The following DPYSL2 variants were observed in gnomAD, a reference collection of about 807,000 sequenced individuals.
The protein encoded by DPYSL2 is dihydropyrimidinase like 2.
DPYSL2 carries 13 observed loss-of-function variants against 69.9 expected under a neutral mutation model. The ratio of observed to expected loss-of-function variants is 0.19; its 90% CI spans 0.12 to 0.30. DPYSL2 has a LOEUF of 0.30. DPYSL2 is among the 10% of genes least tolerant of loss of function. The pLI is 1.00. For missense variants in DPYSL2, 587 were observed against 918.9 expected, an observed-to-expected ratio of 0.64 and a Z score of 4.67; for synonymous variants, 326 against 359.1, an observed-to-expected ratio of 0.91 and a Z score of 1.04.
rs1466837614 is a variant in DPYSL2 at position 26,516,199 on chromosome 8, T to A, written c.354+1520T>A. ...TCTCATATCCATATTTCACTATGAG[T>A]CAACCAGAAGAAACTAAATCCAAAA... On this transcript the variant is annotated intron_variant, in intron 1 of 13. Coordinates refer to ENST00000521913, the MANE Select transcript of DPYSL2 (RefSeq NM_001197293.3). The surrounding 1 kb of genome is among the most constrained non-coding windows in gnomAD (Gnocchi z 4.8). Among the ~76,000 whole-genome samples, 1 of 152,144 alleles carries A rather than the reference T, an allele frequency of 6.6e-6. No homozygotes were observed. The highest frequency in any genetic ancestry group is 1.5e-5 in the Non-Finnish European group (1 of 68,038).
At chr8:26,578,561 T>C (rs771658673) in intron 1 of DPYSL2, 9 of 1,368,526 alleles carry the variant, frequency 6.6e-6, no homozygotes, top group Non-Finnish European at 8.5e-6. Context: ...GTCTATCTTT[T>C]ATTGTCAGTG....
At chr8:26,618,890 G>A (rs1362753977) in intron 3 of DPYSL2, among the ~76,000 whole-genome samples, 3 of 151,994 alleles carry the variant, frequency 2.0e-5, no homozygotes, top group Non-Finnish European at 2.9e-5. Context: ...CCCAGGAGGC[G>A]GAGGTTGCAG....
At chr8:26,645,935 G>A (rs1317364681) in intron 10 of DPYSL2, among the ~76,000 whole-genome samples, 1 of 145,766 alleles carries the variant, frequency 6.9e-6, no homozygotes, top group African/African-American at 2.5e-5. Context: ...GCGTGATCTT[G>A]GCTCACTGCA....
intron 3 of DPYSL2, among the ~76,000 whole-genome samples, chr8:26,607,527 C>T (rs1367358211): frequency 6.6e-6 from 1 of 151,026 alleles, no homozygotes; most frequent in Non-Finnish European, 1.5e-5. Context: ...TGATGGCTCA[C>T]ACCTGTTATC....
Position 26,517,588 on chromosome 8 carries a change from C to T in DPYSL2, c.354+2909C>T, listed in dbSNP as rs775974552. Among the ~76,000 whole-genome samples the T allele has an allele frequency of 6.6e-6, 1 of 152,212 alleles. No homozygotes were observed. Among genetic ancestry groups the T allele is most frequent in the Non-Finnish European group, 1.5e-5 (1 of 68,034 alleles). On this transcript the variant is annotated intron_variant, in intron 1 of 13. Coordinates refer to ENST00000521913, the MANE Select transcript of DPYSL2 (RefSeq NM_001197293.3). The surrounding 1 kb of genome is among the most constrained non-coding windows in gnomAD (Gnocchi z 4.2). ...CCCTTGTCAGTGCCCAGGGGTCCTT[C>T]AGCCTCTTCCCTTCCTCCTAGGAAC...
intron 1 of DPYSL2, among the ~76,000 whole-genome samples, chr8:26,557,495 T>C (rs1801006653): frequency 6.6e-6 from 1 of 151,642 alleles, no homozygotes; most frequent in Non-Finnish European, 1.5e-5. Context: ...AAACAACAAT[T>C]AGAACAGGCA....
Position 26,656,715 on chromosome 8 carries a change from C to G in DPYSL2, c.*1009C>G, listed in dbSNP as rs17055646. 0.093 allele frequency: 14,224 copies of G among 152,734 alleles called. 1,531 individuals are homozygous for G. The highest frequency in any genetic ancestry group is 0.26 in the African/African-American group (10,639 of 41,494). 9.5% of individuals were successfully genotyped at this position (152,734 alleles called of 1,614,324 possible). A position where few individuals can be genotyped will look rare whatever the true frequency, so the allele number is the denominator to read the frequency against. ...GTCCATGTAGGACTGGTGCTAACCACCTGCCATCATGAGGATGTGTGCTAG... is the reference window on the plus strand; with the variant it reads ...GTCCATGTAGGACTGGTGCTAACCAGCTGCCATCATGAGGATGTGTGCTAG... On this transcript the variant is annotated 3_prime_UTR_variant, in exon 14 of 14. Coordinates refer to ENST00000521913, the MANE Select transcript of DPYSL2 (RefSeq NM_001197293.3).
chr8:26,612,310 C>T (rs1042655209), intron 3 of DPYSL2, among the ~76,000 whole-genome samples: 1 of 152,190 alleles, frequency 6.6e-6, no homozygotes, highest in African/African-American at 2.4e-5. Flanking sequence ...AACCATAGTT[C>T]ATCCAGTCAT....
At position 26,621,779 on chromosome 8, in the gene DPYSL2, G is replaced by T. The variant is rs1337536600; in HGVS notation, c.629-2364G>T. On this transcript the variant is annotated intron_variant, in intron 3 of 13. Coordinates refer to ENST00000521913, the MANE Select transcript of DPYSL2 (RefSeq NM_001197293.3). The surrounding 1 kb of genome is among the most constrained non-coding windows in gnomAD (Gnocchi z 4.9). ...GTTGGGCAGGTCAAAGTGAAGAATG[G>T]CCGGGGTGGCCATTGTGGGTGAGCA... Among the ~76,000 whole-genome samples, 3 of 152,126 alleles carry T rather than the reference G, an allele frequency of 2.0e-5. No individual in the cohort carries two copies. Among genetic ancestry groups the T allele is most frequent in the Admixed American group, 2.0e-4 (3 of 15,276 alleles).
At chr8:26,569,496 G>A (rs1293172094) in intron 1 of DPYSL2, among the ~76,000 whole-genome samples, 3 of 152,114 alleles carry the variant, frequency 2.0e-5, no homozygotes, top group African/African-American at 4.8e-5. Context: ...CTGAAGAACA[G>A]GTATCTTTAG....
intron 11 of DPYSL2, among the ~76,000 whole-genome samples, chr8:26,649,134 A>G (rs564955796): frequency 6.6e-4 from 101 of 152,336 alleles, no homozygotes; most frequent in African/African-American, 2.3e-3. Context: ...TGGTATTATT[A>G]TCCCAATTTG....
chr8:26,590,908 A>C (rs1243653690), intron 3 of DPYSL2, among the ~76,000 whole-genome samples: 1 of 152,238 alleles, frequency 6.6e-6, no homozygotes, highest in Non-Finnish European at 1.5e-5. Flanking sequence ...TAGGCTGGGT[A>C]GGCCTGTGGG....
intron 4 of DPYSL2, among the ~76,000 whole-genome samples, chr8:26,625,276 TCCAGCACAAAGCTTCCAC>T (rs1453048851): frequency 6.6e-6 from 1 of 152,232 alleles, no homozygotes. Context: ...TAAGATTCTT[TCCAGCACAAAGCTTCCAC>T]ATAAAAGAAA....
At chr8:26,541,672 A>T (rs1432119179) in intron 1 of DPYSL2, among the ~76,000 whole-genome samples, 2 of 152,250 alleles carry the variant, frequency 1.3e-5, no homozygotes, top group African/African-American at 4.8e-5. Context: ...CTACAAGAAT[A>T]CAAAGTGCTT....
At chr8:26,522,731 T>A (rs1009845455) in intron 1 of DPYSL2, among the ~76,000 whole-genome samples, 4 of 152,264 alleles carry the variant, frequency 2.6e-5, no homozygotes, top group Non-Finnish European at 5.9e-5. Context: ...GAATTCTTTA[T>A]GTATTCTAGA....
In DPYSL2 at chr8:26,652,708, T is replaced by C. The variant is rs1803302297; in HGVS notation, c.1776+272T>C. Reference sequence around the variant, plus strand: ...CAGAGGAGGGAGCCACTGCTGTAGTTGGGGAGAGTGTCATGGGGAGAGGAC... The same window carrying C: ...CAGAGGAGGGAGCCACTGCTGTAGTCGGGGAGAGTGTCATGGGGAGAGGAC... On this transcript the variant is annotated intron_variant, in intron 12 of 13. Transcript: ENST00000521913. This position sits in a 1 kb window ranked among gnomAD's most constrained non-coding sequence, Gnocchi z 6.3. 1.3e-5 allele frequency among the ~76,000 whole-genome samples: 2 copies of C among 152,100 alleles called. No individual in the cohort carries two copies. Among genetic ancestry groups the C allele is most frequent in the South Asian group, 4.2e-4 (2 of 4,800 alleles).
chr8:26,615,391 G>C (rs7002026), intron 3 of DPYSL2, among the ~76,000 whole-genome samples: 10,191 of 152,174 alleles, frequency 0.067, 395 homozygotes, highest in African/African-American at 0.093. Flanking sequence ...TGGCCCCTCC[G>C]CATCCATTAG....
At chr8:26,577,255 G>C in intron 1 of DPYSL2, 1 of 394,600 alleles carries the variant, frequency 2.5e-6, no homozygotes, top group Middle Eastern at 6.9e-4. Flanking sequence ...AGCCGGGCCC[G>C]GACGCTCCCG....
intron 1 of DPYSL2, chr8:26,578,108 C>T (rs1801402044): frequency 3.3e-6 from 5 of 1,515,652 alleles, no homozygotes; most frequent in South Asian, 1.3e-5. Context: ...TTGAAATTTC[C>T]TAATAGCAAG....
Sources: gnomAD v4.1 joint callset for allele counts (sites outside exome capture counted in the v4.1 genomes callset) on GRCh38, gnomAD v4.1.1 for gene constraint, Gnocchi (gnomAD v3.1) non-coding constraint, MANE v1.5 for transcripts, NCBI Gene and HGNC (gene_info 2026-07-23, HGNC 2026-07-21) for gene names.